Variants in TLN2 observed in about 807,000 individuals in gnomAD.
The protein encoded by TLN2 is talin 2.
In TLN2, 118 loss-of-function variants were observed where a neutral mutation model predicts 294.7. The ratio of observed to expected loss-of-function variants is 0.40; its 90% confidence interval spans 0.34 to 0.47. TLN2 has a LOEUF of 0.47. Ranked by LOEUF, TLN2 falls within the 20% of genes least tolerant of loss-of-function variation. The pLI, the probability that TLN2 is intolerant of heterozygous loss-of-function variation, is 0.84. For synonymous variants in TLN2, 1,431 were observed against 1,304.5 expected (o/e 1.10, Z -2.09); for missense variants, 3,083 against 3,282.2 (o/e 0.94, Z 1.48).
chr15:62,763,919 G>A (rs2062831689), intron 40 of TLN2, among the ~76,000 whole-genome samples: 1 of 152,164 alleles, frequency 6.6e-6, no homozygotes, highest in Non-Finnish European at 1.5e-5. Flanking sequence ...ACAGGTACTG[G>A]GGTGGAAAGT....
At chr15:62,601,463 C>A (rs1187774312) in intron 2 of TLN2, among the ~76,000 whole-genome samples, 4 of 152,144 alleles carry the variant, frequency 2.6e-5, no homozygotes, top group Admixed American at 2.0e-4. Context: ...TGGTCAGACT[C>A]AGATCTCTTG....
intron 25 of TLN2, among the ~76,000 whole-genome samples, chr15:62,720,250 C>G (rs115363804): frequency 6.6e-6 from 1 of 152,062 alleles, no homozygotes; most frequent in East Asian, 1.9e-4. Context: ...GTTCATGGAC[C>G]GGGAAAAGAA....
intron 5 of TLN2, 40 bp downstream of exon 5, chr15:62,650,221 T>C (rs1361514715): frequency 6.2e-7 from 1 of 1,602,764 alleles, no homozygotes; most frequent in Non-Finnish European, 8.5e-7. Flanking sequence ...CATCCCTTTG[T>C]CCCTGGGCCT....
At chr15:62,824,839 G>C (rs2067898765) in intron 54 of TLN2, among the ~76,000 whole-genome samples, 1 of 152,162 alleles carries the variant, frequency 6.6e-6, no homozygotes, top group South Asian at 2.1e-4. Flanking sequence ...AGTTCATTCT[G>C]AGTTCTCTCA....
intron 45 of TLN2, among the ~76,000 whole-genome samples, chr15:62,791,111 T>A (rs1034229556): frequency 6.6e-6 from 1 of 152,026 alleles, no homozygotes; most frequent in Non-Finnish European, 1.5e-5. Context: ...GGCGGATCAC[T>A]TGAGGTGGAC....
intron 3 of TLN2, among the ~76,000 whole-genome samples, chr15:62,622,787 G>A (rs928993312): frequency 1.3e-5 from 2 of 152,090 alleles, no homozygotes; most frequent in Admixed American, 1.3e-4. Context: ...AAGCTTCCTT[G>A]GTCCTGCACT....
At chr15:62,611,820 C>A (rs1274285538) in intron 2 of TLN2, among the ~76,000 whole-genome samples, 4 of 152,110 alleles carry the variant, frequency 2.6e-5, no homozygotes, top group Admixed American at 2.0e-4. Context: ...TAGAACCTTT[C>A]CCCCCAGTCA....
chr15:62,724,389 G>T (rs1051619142), intron 26 of TLN2, among the ~76,000 whole-genome samples: 21 of 152,166 alleles, frequency 1.4e-4, no homozygotes, highest in African/African-American at 5.1e-4. Flanking sequence ...AATTATATGT[G>T]CATGTGTATA....
intron 1 of TLN2, among the ~76,000 whole-genome samples, chr15:62,461,197 G>A (rs188917381): frequency 2.0e-5 from 3 of 152,258 alleles, no homozygotes; most frequent in African/African-American, 7.2e-5. Flanking sequence ...GCCTGCGTCG[G>A]CCTCCCAAAA....
chr15:62,510,232 CCA>C (rs1243606382), intron 1 of TLN2, among the ~76,000 whole-genome samples: 1 of 152,158 alleles, frequency 6.6e-6, no homozygotes, highest in Non-Finnish European at 1.5e-5. Context: ...TGGGCACCCA[CCA>C]GAGCATGCCA....
At chr15:62,737,159 G>A in intron 29 of TLN2, 73 bp downstream of exon 29, 1 of 1,529,878 alleles carries the variant, frequency 6.5e-7, no homozygotes, top group Non-Finnish European at 8.9e-7. Flanking sequence ...GCTGTCTCCT[G>A]GGCACTTTTC....
intron 51 of TLN2, among the ~76,000 whole-genome samples, chr15:62,806,991 C>T (rs1181460333): frequency 3.3e-5 from 5 of 152,042 alleles, no homozygotes; most frequent in Non-Finnish European, 7.4e-5. Flanking sequence ...GTGCAAGGGC[C>T]TGGCCCTGGG....
At chr15:62,755,489 A>C in intron 36 of TLN2, 43 bp from the exon 37 acceptor site, 1 of 1,604,778 alleles carries the variant, frequency 6.2e-7, no homozygotes, top group South Asian at 1.1e-5. Context: ...ACCCCTCTGC[A>C]CTGTAGCATG....
intron 21 of TLN2, among the ~76,000 whole-genome samples, chr15:62,710,894 T>G (rs1304332236): frequency 2.0e-5 from 3 of 151,716 alleles, no homozygotes; most frequent in Non-Finnish European, 4.4e-5. Flanking sequence ...CCCGGCTAAT[T>G]TTTTTGTGTT....
chr15:62,440,599 G>A (rs1001991323), intron 1 of TLN2, among the ~76,000 whole-genome samples: 3 of 152,170 alleles, frequency 2.0e-5, no homozygotes, highest in Non-Finnish European at 4.4e-5. Context: ...TTTGGTGAAT[G>A]TTTCCATGGC....
At chr15:62,457,467 G>A (rs934658865) in intron 1 of TLN2, among the ~76,000 whole-genome samples, 11 of 152,226 alleles carry the variant, frequency 7.2e-5, no homozygotes, top group African/African-American at 2.7e-4. Flanking sequence ...GGTTCTTGGA[G>A]GTTTTTGAGC....
intron 18 of TLN2, 96 bp from the exon 19 acceptor site, chr15:62,702,670 C>G (rs923069178): frequency 7.9e-7 from 1 of 1,258,652 alleles, no homozygotes; most frequent in Non-Finnish European, 1.2e-6. Context: ...ACAAAGGGAG[C>G]AAATTCTGTG....
intron 1 of TLN2, among the ~76,000 whole-genome samples, chr15:62,443,901 A>G (rs1015295484): frequency 2.0e-5 from 3 of 152,160 alleles, no homozygotes; most frequent in Non-Finnish European, 4.4e-5. Flanking sequence ...TGGGACGTTG[A>G]GGTGGGAGGA....
intron 12 of TLN2, among the ~76,000 whole-genome samples, chr15:62,687,641 C>T (rs1049927576): frequency 6.6e-6 from 1 of 152,150 alleles, no homozygotes; most frequent in Non-Finnish European, 1.5e-5. Context: ...GTTCTTAAGA[C>T]TCTTGAAGTC....
Sources: allele counts gnomAD v4.1 joint callset (sites outside exome capture counted in the v4.1 genomes callset), GRCh38; gene constraint gnomAD v4.1.1; transcripts MANE v1.5; gene names NCBI Gene and HGNC (gene_info 2026-07-23, HGNC 2026-07-21).